TBX20: variants seen among roughly 807,000 people sequenced by gnomAD.
TBX20 encodes T-box transcription factor 20.
A neutral mutation model predicts 42.9 loss-of-function variants in TBX20; 8 were observed. That is an observed-to-expected ratio of 0.19 (90% CI 0.11 to 0.34). The LOEUF is 0.34. Among genes scored for constraint, TBX20 ranks in the 10% least tolerant of loss-of-function variants. The probability of loss-of-function intolerance (pLI) is 1.00; values close to 1 mark genes in which losing one functional copy is unlikely to be tolerated. For synonymous variants in TBX20, 198 were observed against 222.8 expected, an observed-to-expected ratio of 0.89 and a Z score of 0.99; for missense variants, 411 against 566.0, an observed-to-expected ratio of 0.73 and a Z score of 2.78.
chr7:35,210,732 T>C (rs906048215), intron 6 of TBX20, among the ~76,000 whole-genome samples: 1 of 152,206 alleles, frequency 6.6e-6, no homozygotes, highest in African/African-American at 2.4e-5. Context: ...TTCAAAATTA[T>C]TGTTAACATG....
intron 5 of TBX20, among the ~76,000 whole-genome samples, chr7:35,237,799 C>A (rs925483581): frequency 2.0e-5 from 3 of 152,046 alleles, no homozygotes; most frequent in African/African-American, 7.2e-5. Flanking sequence ...GATATTCTGA[C>A]CTCCTGTTAA....
intron 3 of TBX20, among the ~76,000 whole-genome samples, chr7:35,246,080 T>G (rs1276685573): frequency 1.3e-5 from 2 of 152,248 alleles, no homozygotes; most frequent in Non-Finnish European, 2.9e-5. Flanking sequence ...CATAAAATTT[T>G]TCTTGCATTA....
intron 6 of TBX20, among the ~76,000 whole-genome samples, chr7:35,221,652 A>AT (rs1248517830): frequency 6.6e-6 from 1 of 152,178 alleles, no homozygotes; most frequent in Non-Finnish European, 1.5e-5. Flanking sequence ...ACGGCAATGG[A>AT]GCCTCTCAGT....
chr7:35,215,016 C>G (rs978093407), intron 6 of TBX20, among the ~76,000 whole-genome samples: 2 of 152,140 alleles, frequency 1.3e-5, no homozygotes, highest in Non-Finnish European at 2.9e-5. Context: ...GTAATAGTTA[C>G]ATCTCTAAAA....
intron 6 of TBX20, among the ~76,000 whole-genome samples, chr7:35,206,610 G>A (rs1010948491): frequency 2.0e-5 from 3 of 152,130 alleles, no homozygotes; most frequent in Non-Finnish European, 4.4e-5. Context: ...ACGCACCACT[G>A]ACACCACTGC....
At chr7:35,208,114 A>C (rs1301001349) in intron 6 of TBX20, among the ~76,000 whole-genome samples, 1 of 152,112 alleles carries the variant, frequency 6.6e-6, no homozygotes, top group Non-Finnish European at 1.5e-5. Flanking sequence ...TTCTCTCAAC[A>C]ATGTTTTTGT....
At chr7:35,238,971 G>C (rs1160571577) in intron 5 of TBX20, among the ~76,000 whole-genome samples, 1 of 151,906 alleles carries the variant, frequency 6.6e-6, no homozygotes, top group African/African-American at 2.4e-5. Context: ...CTTATTTACA[G>C]AGCACCTTAC....
chr7:35,219,131 T>C (rs1192420860), intron 6 of TBX20, among the ~76,000 whole-genome samples: 2 of 152,180 alleles, frequency 1.3e-5, no homozygotes, highest in African/African-American at 2.4e-5. Flanking sequence ...GCAGAGGTGA[T>C]GCAGCTGTCC....
intron 6 of TBX20, among the ~76,000 whole-genome samples, chr7:35,228,479 CT>C (rs2128713083): frequency 6.6e-6 from 1 of 152,096 alleles, no homozygotes; most frequent in South Asian, 2.1e-4. Flanking sequence ...CTTTTTTATG[CT>C]TTTTCTTACT....
At chr7:35,244,308 C>G (rs1376640556) in intron 4 of TBX20, among the ~76,000 whole-genome samples, 2 of 152,140 alleles carry the variant, frequency 1.3e-5, no homozygotes, top group African/African-American at 4.8e-5. Flanking sequence ...GATAAGAACA[C>G]AGAGTTAATT....
In TBX20 at chr7:35,248,664, T is replaced by C. The variant is rs17675148; in HGVS notation, c.545+13A>G. ...CTAACAGTTTTCTCAGTGAAAAATC[T>C]GGAGGCACGAACCTGGCTGGCAACG... On this transcript the variant is annotated intron_variant, in intron 3 of 7. Coordinates refer to ENST00000408931, the MANE Select transcript of TBX20 (RefSeq NM_001077653.2). The C allele has an allele frequency of 0.38, 615,372 of 1,612,876 alleles. 119,479 individuals carry two copies. The highest frequency in any genetic ancestry group is 0.51 in the Admixed American group (30,623 of 60,000).
intron 6 of TBX20, among the ~76,000 whole-genome samples, chr7:35,213,774 T>C (rs1789535564): frequency 6.6e-6 from 1 of 151,380 alleles, no homozygotes; most frequent in African/African-American, 2.4e-5. Flanking sequence ...TTAACCTCTC[T>C]TCATTTGTAC....
At chr7:35,208,855 T>C (rs1283195296) in intron 6 of TBX20, among the ~76,000 whole-genome samples, 2 of 151,606 alleles carry the variant, frequency 1.3e-5, no homozygotes, top group Non-Finnish European at 2.9e-5. Context: ...ATAATATTCA[T>C]TCTAGGTTTT....
At position 35,253,653 on chromosome 7, in the gene TBX20, G is replaced by A. The variant is rs371637001; in HGVS notation, c.-33C>T. ...AGCACGCGGTCCTGGCCAGGGACGG[G>A]GTCGTCCGAACTGCCGTCCAGATTC... On this transcript the variant is annotated 5_prime_UTR_variant, in exon 1 of 8. Coordinates refer to ENST00000408931, the MANE Select transcript of TBX20 (RefSeq NM_001077653.2). 6.2e-7 allele frequency: 1 copy of A among 1,603,324 alleles called. No homozygotes were observed.
rs184230280 is a variant in TBX20, at chr7:35,227,413, G to A, written c.890+4091C>T. Among the ~76,000 whole-genome samples, 99 of 152,132 alleles carry A rather than the reference G, an allele frequency of 6.5e-4. 1 individual carries two copies. Among genetic ancestry groups the A allele is most frequent in the African/African-American group, 2.1e-3 (88 of 41,524 alleles). On this transcript the variant is annotated intron_variant, in intron 6 of 7. Transcript: ENST00000408931. ...ATTCCAGACCTTAAGCTCCATTCAC[G>A]GTGAGTGCCTTATACAGGTGTACCA...
chr7:35,204,276 C>T (rs953739083), intron 7 of TBX20, among the ~76,000 whole-genome samples, 194 bp downstream of exon 7: 3 of 152,190 alleles, frequency 2.0e-5, no homozygotes, highest in Admixed American at 6.5e-5. Flanking sequence ...GCAGCATCAT[C>T]GCCTATGATT....
chr7:35,202,806 G>A, intron 7 of TBX20, 36 bp from the exon 8 acceptor site: 1 of 1,502,346 alleles, frequency 6.7e-7, no homozygotes, highest in East Asian at 2.5e-5. Flanking sequence ...TGGAAACACT[G>A]TGTCAATGTA....
intron 5 of TBX20, among the ~76,000 whole-genome samples, chr7:35,239,359 T>C (rs1230959050): frequency 6.6e-6 from 1 of 152,046 alleles, no homozygotes; most frequent in Non-Finnish European, 1.5e-5. Context: ...ACCCAAAACC[T>C]AACAACATCA....
chr7:35,225,640 A>G (rs1789757028), intron 6 of TBX20, among the ~76,000 whole-genome samples: 1 of 152,246 alleles, frequency 6.6e-6, no homozygotes, highest in South Asian at 2.1e-4. Flanking sequence ...GAGGACAAAC[A>G]TATTACATAT....
Sources: gnomAD v4.1 joint callset for allele counts (sites outside exome capture counted in the v4.1 genomes callset) on GRCh38, gnomAD v4.1.1 for gene constraint, MANE v1.5 for transcripts, NCBI Gene and HGNC (gene_info 2026-07-23, HGNC 2026-07-21) for gene names.